Variants in RNLS observed in about 807,000 individuals in gnomAD.
The protein encoded by RNLS is renalase.
Under a neutral mutation model 39.8 loss-of-function variants are expected in RNLS, and 39 were observed. The observed-to-expected ratio is 0.98, with a 90% CI of 0.76 to 1.28. RNLS has a LOEUF of 1.28. Ranked by LOEUF, RNLS falls within the 50% of genes most tolerant of loss-of-function variation. The pLI is 0.00. For synonymous variants in RNLS, 147 were observed against 150.7 expected (o/e 0.98, Z 0.18); for missense variants, 410 against 413.3 (o/e 0.99, Z 0.07).
downstream of RNLS, among the ~76,000 whole-genome samples, chr10:88,271,981 T>G (rs765056592): frequency 3.3e-5 from 5 of 152,186 alleles, no homozygotes; most frequent in Non-Finnish European, 5.9e-5. Flanking sequence ...CTTTACCATC[T>G]GTGCAAGAGT....
intron 3 of RNLS, among the ~76,000 whole-genome samples, chr10:88,575,755 G>A (rs1438118623): frequency 6.6e-6 from 1 of 152,026 alleles, no homozygotes; most frequent in Non-Finnish European, 1.5e-5. Context: ...TAGTAAATTT[G>A]ACCATGTCCC....
chr10:88,222,139 T>C, the RNLS span, among the ~76,000 whole-genome samples: 1 of 152,222 alleles, frequency 6.6e-6, no homozygotes, highest in African/African-American at 2.4e-5. Flanking sequence ...TACTGAAAAC[T>C]GTGGCAGGAA....
chr10:88,338,591 C>A (rs1847675687), intron 5 of RNLS, among the ~76,000 whole-genome samples: 1 of 152,154 alleles, frequency 6.6e-6, no homozygotes, highest in African/African-American at 2.4e-5. Flanking sequence ...AAGTTTATCC[C>A]TAAAATAACA....
At chr10:88,278,138 C>G (rs1271523312) in intron 6 of RNLS, among the ~76,000 whole-genome samples, 1 of 152,072 alleles carries the variant, frequency 6.6e-6, no homozygotes, top group East Asian at 1.9e-4. Flanking sequence ...TAGCTCTTTC[C>G]TATAATATAG....
At chr10:88,475,584 C>T (rs111714833) in intron 4 of RNLS, among the ~76,000 whole-genome samples, 9 of 152,284 alleles carry the variant, frequency 5.9e-5, no homozygotes, top group African/African-American at 2.2e-4. Flanking sequence ...CTTTCAGTCT[C>T]TAATCTCACC....
intron 4 of RNLS, among the ~76,000 whole-genome samples, chr10:88,555,947 A>G (rs1848851081): frequency 6.6e-6 from 1 of 151,926 alleles, no homozygotes; most frequent in South Asian, 2.1e-4. Context: ...CTATTTCTCT[A>G]CTGATGATTT....
chr10:88,259,805 G>A, the RNLS span, among the ~76,000 whole-genome samples: 38 of 152,184 alleles, frequency 2.5e-4, no homozygotes, highest in African/African-American at 7.2e-4. Flanking sequence ...GTGCAGTGGC[G>A]TGATCGTGGC....
At position 88,508,843 on chromosome 10, in the gene RNLS, T is replaced by A. The variant is rs145952223; in HGVS notation, c.526+64060A>T. Among the ~76,000 whole-genome samples, 299 of 152,222 alleles carry A rather than the reference T, an allele frequency of 2.0e-3. 3 individuals carry two copies. The highest frequency in any genetic ancestry group is 6.8e-3 in the African/African-American group (282 of 41,566). ...AAAAGAAACATTAGCACCAATAATG[T>A]CAAATATTCTCATCGTTAGCTTAAT... On this transcript the variant is annotated intron_variant, in intron 4 of 6. Coordinates refer to ENST00000331772, the MANE Select transcript of RNLS (RefSeq NM_001031709.3).
At chr10:88,408,149 T>G (rs17096266) in intron 4 of RNLS, among the ~76,000 whole-genome samples, 1 of 152,148 alleles carries the variant, frequency 6.6e-6, no homozygotes, top group African/African-American at 2.4e-5. Context: ...GTCCAAAATA[T>G]AGTTTAAAAA....
intron 4 of RNLS, among the ~76,000 whole-genome samples, chr10:88,543,173 T>TC (rs1848133265): frequency 6.6e-6 from 1 of 152,124 alleles, no homozygotes; most frequent in Admixed American, 6.6e-5. Context: ...CTCAGTAGTT[T>TC]CCAGCCTAAT....
intron 4 of RNLS, among the ~76,000 whole-genome samples, chr10:88,414,445 A>C (rs792213): frequency 0.63 from 95,299 of 152,014 alleles, 30,048 homozygotes; most frequent in African/African-American, 0.7. Flanking sequence ...TGTATATATA[A>C]CTCTTATCAG....
At chr10:88,548,289 A>AAAAAGAAAAAAAAAAAAAAG (rs1848435432) in intron 4 of RNLS, among the ~76,000 whole-genome samples, 3 of 80,246 alleles carry the variant, frequency 3.7e-5, no homozygotes, top group Non-Finnish European at 6.3e-5. Flanking sequence ...AAAAAAAAAA[A>AAAAAGAAAAAAAAAAAAAAG]AAAAGAAAAG....
intron 4 of RNLS, among the ~76,000 whole-genome samples, chr10:88,526,821 C>A (rs893414882): frequency 6.6e-6 from 1 of 151,616 alleles, no homozygotes; most frequent in Non-Finnish European, 1.5e-5. Context: ...CTGCCCTTCA[C>A]TAAAGAAAGC....
intron 3 of RNLS, among the ~76,000 whole-genome samples, chr10:88,577,342 G>A (rs1186428995): frequency 6.6e-6 from 1 of 152,148 alleles, no homozygotes; most frequent in African/African-American, 2.4e-5. Context: ...TGGAGAGTAT[G>A]AGCACCTCTC....
intron 4 of RNLS, among the ~76,000 whole-genome samples, chr10:88,438,536 C>T (rs572101502): frequency 9.9e-5 from 15 of 152,144 alleles, no homozygotes; most frequent in African/African-American, 3.6e-4. Context: ...TTGTTTATTA[C>T]TGTTGTGTAA....
At position 88,465,442 on chromosome 10, in the gene RNLS, T is replaced by C. The variant is rs114318805; in HGVS notation, c.527-102717A>G. ...AAGAGCTCATCCTAGTTGTGGAGAA[T>C]AGACAGAAAATTCCAAGGATCCACA... On this transcript the variant is annotated intron_variant, in intron 4 of 6. Coordinates refer to ENST00000331772, the MANE Select transcript of RNLS (RefSeq NM_001031709.3). Among the ~76,000 whole-genome samples the C allele has an allele frequency of 2.3e-3, 352 of 152,200 alleles. 2 individuals are homozygous for C. The highest frequency in any genetic ancestry group is 8.0e-3 in the African/African-American group (334 of 41,548).
chr10:88,309,407 G>T (rs1351700774), intron 6 of RNLS: 3 of 1,289,354 alleles, frequency 2.3e-6, no homozygotes, highest in Non-Finnish European at 3.0e-6. Flanking sequence ...TCTCATGAGG[G>T]GATAATGTAA....
intron 4 of RNLS, among the ~76,000 whole-genome samples, chr10:88,566,292 T>G (rs1304591307): frequency 6.6e-6 from 1 of 152,006 alleles, no homozygotes; most frequent in Non-Finnish European, 1.5e-5. Flanking sequence ...CCATTCTATT[T>G]TTCATGGGTA....
the RNLS span, among the ~76,000 whole-genome samples, chr10:88,172,272 C>G: frequency 2.0e-5 from 3 of 152,138 alleles, no homozygotes; most frequent in Non-Finnish European, 4.4e-5. Context: ...AGTGGCTGTA[C>G]TAATTTATAT....
Sources: allele counts gnomAD v4.1 joint callset (sites outside exome capture counted in the v4.1 genomes callset), GRCh38; gene constraint gnomAD v4.1.1; transcripts MANE v1.5; gene names NCBI Gene and HGNC (gene_info 2026-07-23, HGNC 2026-07-21).